Variants in HAUS5 observed in about 807,000 individuals in gnomAD.
HAUS5 encodes the protein HAUS augmin-like complex subunit 5.
A neutral mutation model predicts 94.1 loss-of-function variants in HAUS5; 67 were observed. The ratio of observed to expected loss-of-function variants is 0.71; its 90% CI spans 0.58 to 0.87. The LOEUF (loss-of-function observed/expected upper bound fraction) is 0.87. Among genes scored for constraint, HAUS5 ranks in the 40% least tolerant of loss-of-function variants. The probability of loss-of-function intolerance (pLI) is 0.00; values close to 1 mark genes in which losing one functional copy is unlikely to be tolerated. For missense variants in HAUS5, 739 were observed against 825.6 expected (o/e 0.90, Z 1.29); for synonymous variants, 339 against 355.4 (o/e 0.95, Z 0.52).
Position 35,622,983 on chromosome 19 carries a change from T to C in HAUS5, c.1892T>C (p.Leu631Pro). Residue 631 changes from leucine (L) to proline (P), a missense_variant, in exon 19 of 19, where the codon CTG becomes CCG. By Grantham distance (98) the Leu-to-Pro change is moderately conservative. Transcript: ENST00000203166. ...WVQAQGALQK[L>P]CS Reference sequence around the variant, plus strand: ...CAGGCCCAGGGGGCCCTGCAGAAGCTGTGCAGCTGAAGAGAGGGTTCAAAC... The same window carrying C: ...CAGGCCCAGGGGGCCCTGCAGAAGCCGTGCAGCTGAAGAGAGGGTTCAAAC... 6.2e-7 allele frequency: 1 copy of C among 1,607,348 alleles called. No individual in the cohort carries two copies. Among genetic ancestry groups the C allele is most frequent in the African/African-American group, 1.3e-5 (1 of 74,868 alleles).
intron 18 of HAUS5, 61 bp from the exon 19 acceptor site, chr19:35,622,815 G>GT: frequency 2.5e-6 from 4 of 1,607,904 alleles, no homozygotes; most frequent in Non-Finnish European, 3.4e-6. Flanking sequence ...GCAGGCCATG[G>GT]TTTTGCAGGG....
intron 1 of HAUS5, 102 bp from the exon 2 acceptor site, chr19:35,613,628 G>T: frequency 1.1e-6 from 1 of 900,666 alleles, no homozygotes; most frequent in Non-Finnish European, 1.7e-6. Context: ...CTCAAGAAGT[G>T]AGAACTCCCT....
rs1320657418 is a variant in HAUS5 at position 35,620,123 on chromosome 19, G to A, written c.1518G>A (p.Lys506=). The A allele has an allele frequency of 2.5e-6, 4 of 1,613,638 alleles. No individual in the cohort carries two copies. Among genetic ancestry groups the A allele is most frequent in the Non-Finnish European group, 3.4e-6 (4 of 1,179,746 alleles). The change falls in exon 16 of 19, where the codon AAG becomes AAA. Residue 506 remains lysine, a splice_region_variant and synonymous_variant. Transcript: ENST00000203166. ...ACAAGCTGGGGCTGCCTCCAGGGAAGGTGAGTGCCCGTCTCCTGTGACTTG... is the reference window on the plus strand; with the variant it reads ...ACAAGCTGGGGCTGCCTCCAGGGAAAGTGAGTGCCCGTCTCCTGTGACTTG... ...LSHKLGLPPG[K]ASELLLPAAA... is the part of the protein sequence containing the mutation.
At position 35,618,462 on chromosome 19, in the gene HAUS5, C is replaced by T. The variant is rs1967143342; in HGVS notation, c.882C>T (p.Ile294=). ...SQTLPSMVHL[I]QEGWRTVGVL... is the part of the protein sequence containing the mutation. ...CCCTGCCGTCCATGGTTCATCTCAT[C>T]CAGGTGACCCCAGGGCTCGCCTCCC... The change falls in exon 11 of 19, where the codon ATC becomes ATT. Residue 294 remains isoleucine, a synonymous_variant. Transcript: ENST00000203166. 3.8e-6 allele frequency: 6 copies of T among 1,571,582 alleles called. No individual in the cohort carries two copies. In the South Asian group the frequency reaches 6.6e-5, roughly 17 times the overall value.
At chr19:35,617,046 T>TGCTG in intron 6 of HAUS5, 78 bp from the exon 7 acceptor site, 1 of 1,214,478 alleles carries the variant, frequency 8.2e-7, no homozygotes, top group East Asian at 2.4e-5. Flanking sequence ...TGACCGGCCT[T>TGCTG]GCTGGCAGTG....
intron 13 of HAUS5, 95 bp downstream of exon 13, chr19:35,619,144 G>A (rs1334575193): frequency 7.7e-7 from 1 of 1,301,770 alleles, no homozygotes; most frequent in Non-Finnish European, 1.0e-6. Context: ...GGTAGCACAT[G>A]CCTGTGGTTC....
rs1010179824 is a variant in HAUS5, at chr19:35,613,020, G to T, written c.98+128G>T. On this transcript the variant is annotated intron_variant, in intron 1 of 18. Transcript: ENST00000203166. Reference sequence around the variant, plus strand: ...ATCGAGAGTGACCCGACTTACTGAGGGCTCCCTACCCTGGGAGGCTCCCCA... The same window carrying T: ...ATCGAGAGTGACCCGACTTACTGAGTGCTCCCTACCCTGGGAGGCTCCCCA... The T allele has an allele frequency of 5.3e-5, 36 of 682,220 alleles. 1 individual carries two copies. The South Asian group carries it at 7.5e-4, about 14-fold the overall frequency. The allele number at this position is 682,220 out of a possible 1,614,324, so 42.3% of individuals were successfully genotyped here.
rs1330915252 is a variant in HAUS5 at position 35,619,695 on chromosome 19, A to T, written c.1343A>T (p.Glu448Val). ...AGCCGGGAGCTGCTGCGCTGTCTGG[A>T]GGAGGAAGTCCGGCATTTGCCCCAC... is the stretch of plus-strand genomic sequence containing the variant. ...PQSRELLRCLEEEVRHLPHIL... is the reference protein window; with the variant it reads ...PQSRELLRCLVEEVRHLPHIL... Residue 448 changes from glutamate to valine, a missense_variant, in exon 15 of 19, where the codon GAG becomes GTG. Physicochemically the swap from Glu to Val is moderately radical, Grantham distance 121. Coordinates refer to ENST00000203166, the MANE Select transcript of HAUS5 (RefSeq NM_015302.2). The T allele has an allele frequency of 6.4e-6, 10 of 1,574,482 alleles. No homozygotes were observed. Among genetic ancestry groups the T allele is most frequent in the Middle Eastern group, 3.5e-4 (2 of 5,734 alleles).
In HAUS5 at chr19:35,616,823, T is replaced by C. The variant is rs548996033; in HGVS notation, c.486-301T>C. Among the ~76,000 whole-genome samples the C allele has an allele frequency of 2.6e-5, 4 of 152,326 alleles. No homozygotes were observed. The East Asian group carries it at 7.7e-4, about 29-fold the overall frequency. ...TGAGCCACCACGCTGGGCCCATTGT[T>C]ATTCTGAATGCGCTGGGGAAACATC... On this transcript the variant is annotated intron_variant, in intron 6 of 18. Coordinates refer to ENST00000203166, the MANE Select transcript of HAUS5 (RefSeq NM_015302.2).
Position 35,615,060 on chromosome 19 carries a change from C to G in HAUS5, c.238C>G (p.Leu80Val), listed in dbSNP as rs2071929159. Residue 80 changes from leucine (L) to valine (V), a missense_variant, in exon 5 of 19, where the codon CTG (leucine) becomes GTG (valine). Transcript: ENST00000203166. ...DSPQVRRKLE[L>V]EAAVTRLRAE... ...CTCCCAGGTCCGTCGGAAGTTAGAG[C>G]TGGAAGCTGCTGTGACCCGCCTGCG... is the stretch of plus-strand genomic sequence containing the variant. 3 of 1,598,644 alleles carry G rather than the reference C, an allele frequency of 1.9e-6. No individual in the cohort carries two copies. The highest frequency in any genetic ancestry group is 2.3e-5 in the South Asian group (2 of 88,646).
intron 17 of HAUS5, among the ~76,000 whole-genome samples, chr19:35,621,289 GC>G (rs1722618293): frequency 6.6e-6 from 1 of 152,100 alleles, no homozygotes; most frequent in Non-Finnish European, 1.5e-5. Context: ...CACGGCCTCT[GC>G]CCACCTCAGC....
intron 14 of HAUS5, 46 bp downstream of exon 14, chr19:35,619,550 A>G (rs773691637): frequency 1.2e-6 from 2 of 1,605,484 alleles, no homozygotes; most frequent in Non-Finnish European, 1.7e-6. Flanking sequence ...TGGATCTGCC[A>G]GGATGGGGCT....
In HAUS5 at chr19:35,620,007, C is replaced by T. The variant is rs190624369; in HGVS notation, c.1407-5C>T. On this transcript the variant is annotated splice_polypyrimidine_tract_variant and splice_region_variant and intron_variant, in intron 15 of 18. Transcript: ENST00000203166. ...CACCCAACCCAGACTTCTCCCCGCC[C>T]GTAGGTTGAAGCCCCTGCCCACGGT... 2.0e-4 allele frequency: 328 copies of T among 1,612,384 alleles called. 1 individual carries two copies. The Middle Eastern group carries it at 2.1e-3, about 11-fold the overall frequency.
intron 9 of HAUS5, 53 bp from the exon 10 acceptor site, chr19:35,618,018 C>G (rs1967127140): frequency 6.3e-7 from 1 of 1,593,890 alleles, no homozygotes; most frequent in Non-Finnish European, 8.6e-7. Flanking sequence ...CATGGGGTCT[C>G]AGCTCACAGC....
At chr19:35,614,082 TTC>T in intron 4 of HAUS5, 23 bp downstream of exon 4, 1 of 1,608,678 alleles carries the variant, frequency 6.2e-7, no homozygotes, top group Non-Finnish European at 8.5e-7. Flanking sequence ...TGCTACAAGA[TTC>T]TCTTTCATCC....
At chr19:35,613,687 C>CT (rs1174758226) in intron 1 of HAUS5, 43 bp from the exon 2 acceptor site, 1 of 1,575,366 alleles carries the variant, frequency 6.3e-7, no homozygotes, top group East Asian at 2.2e-5. Flanking sequence ...ATCCCACACC[C>CT]TGTGTGCTGC....
Position 35,620,034 on chromosome 19 carries a change from C to T in HAUS5, c.1429C>T (p.Leu477Phe), listed in dbSNP as rs1490090508. 2 of 1,613,688 alleles carry T rather than the reference C, an allele frequency of 1.2e-6. No individual in the cohort carries two copies. Among genetic ancestry groups the T allele is most frequent in the Non-Finnish European group, 1.7e-6 (2 of 1,179,810 alleles). The change falls in exon 16 of 19, where the codon CTC (leucine) becomes TTC (phenylalanine). Residue 477 changes from leucine (L) to phenylalanine (F), a missense_variant. Physicochemically the swap from Leu to Phe is conservative, Grantham distance 22. Coordinates refer to ENST00000203166, the MANE Select transcript of HAUS5 (RefSeq NM_015302.2). ...TAGGTTGAAGCCCCTGCCCACGGTC[C>T]TCCCATCCATCCACCAGCTGCACCC... The part of the protein sequence containing the change: ...PGELKPLPTV[L>F]PSIHQLHPAS...
At chr19:35,614,900 C>T in intron 4 of HAUS5, 142 bp from the exon 5 acceptor site, 1 of 618,282 alleles carries the variant, frequency 1.6e-6, no homozygotes, top group South Asian at 2.0e-5. Context: ...GGGAGGGAGC[C>T]AATACCCTAA....
chr19:35,614,177 G>C lies in HAUS5; in HGVS notation c.219+118G>C, dbSNP rs1599593359. ...GGACAATGGGTCACAAGACAGCCTT[G>C]ATCTCCATCCTCATAGGGCTTAAAG... On this transcript the variant is annotated intron_variant, in intron 4 of 18. Coordinates refer to ENST00000203166, the MANE Select transcript of HAUS5 (RefSeq NM_015302.2). The C allele has an allele frequency of 1.4e-5, 13 of 897,482 alleles. No homozygotes were observed. The East Asian group carries it at 3.3e-4, about 23-fold the overall frequency. The allele number at this position is 897,482 out of a possible 1,614,324, so 55.6% of individuals were successfully genotyped here. A position where few individuals can be genotyped will look rare whatever the true frequency, so the allele number is the denominator to read the frequency against.
Sources: gnomAD v4.1 joint callset for allele counts (sites outside exome capture counted in the v4.1 genomes callset) on GRCh38, gnomAD v4.1.1 for gene constraint, MANE v1.5 for transcripts, NCBI Gene and HGNC (gene_info 2026-07-23, HGNC 2026-07-21) for gene names.